NSMAF: variants seen among roughly 807,000 people sequenced by gnomAD.
NSMAF encodes protein FAN.
Under a neutral mutation model 134.9 loss-of-function variants are expected in NSMAF, and 90 were observed. The observed-to-expected ratio is 0.67, with a 90% CI of 0.56 to 0.79. The LOEUF is 0.79. NSMAF is among the 30% of genes least tolerant of loss of function. NSMAF has a pLI of 0.00. For missense variants in NSMAF, 1,010 were observed against 1,119.0 expected, an observed-to-expected ratio of 0.90 and a Z score of 1.39; for synonymous variants, 358 against 389.6, an observed-to-expected ratio of 0.92 and a Z score of 0.96.
At chr8:58,609,473 G>T in intron 10 of NSMAF, 131 bp downstream of exon 10, 1 of 805,706 alleles carries the variant, frequency 1.2e-6, no homozygotes, top group Non-Finnish European at 2.0e-6. Context: ...CACAGATGCT[G>T]CCTGTGAAGG....
At position 58,635,238 on chromosome 8, in the gene NSMAF, T is replaced by C. The variant is rs1423200608; in HGVS notation, c.297-13A>G. On this transcript the variant is annotated splice_polypyrimidine_tract_variant and intron_variant, in intron 4 of 30. Coordinates refer to ENST00000038176, the MANE Select transcript of NSMAF (RefSeq NM_003580.4). ...CCCAGATTTTGCCCTAAAATACAGATAAAAGTCATTAAATATATACAGCTT... is the reference window on the plus strand; with the variant it reads ...CCCAGATTTTGCCCTAAAATACAGACAAAAGTCATTAAATATATACAGCTT... 2 of 1,610,942 alleles carry C rather than the reference T, an allele frequency of 1.2e-6. No homozygotes were observed. The highest frequency in any genetic ancestry group is 3.3e-5 in the Admixed American group (2 of 59,918).
chr8:58,590,728 TCTAA>T, intron 24 of NSMAF, 135 bp downstream of exon 24: 1 of 882,966 alleles, frequency 1.1e-6, no homozygotes, highest in South Asian at 1.8e-5. Flanking sequence ...TTAGAAGTAA[TCTAA>T]CTAAGGTATC....
chr8:58,644,086 G>A lies in NSMAF; in HGVS notation c.60-1013C>T, dbSNP rs118128651. On this transcript the variant is annotated intron_variant, in intron 1 of 30. Transcript: ENST00000038176. ...TTGTTTTGTTTTGTGATAAGGACCAGGAAACATCAATGAGTTACAGGCAAA... is the reference window on the plus strand; with the variant it reads ...TTGTTTTGTTTTGTGATAAGGACCAAGAAACATCAATGAGTTACAGGCAAA... Among the ~76,000 whole-genome samples the A allele has an allele frequency of 8.3e-3, 1,259 of 152,274 alleles. 12 individuals are homozygous for A. The highest frequency in any genetic ancestry group is 0.012 in the Non-Finnish European group (797 of 68,026).
intron 13 of NSMAF, among the ~76,000 whole-genome samples, chr8:58,602,856 T>G (rs1173143434): frequency 6.6e-6 from 1 of 152,194 alleles, no homozygotes; most frequent in African/African-American, 2.4e-5. Flanking sequence ...CAGTTTTTAA[T>G]GTGATTTTTA....
At chr8:58,621,126 T>C (rs1196645479) in intron 9 of NSMAF, among the ~76,000 whole-genome samples, 6 of 152,100 alleles carry the variant, frequency 3.9e-5, no homozygotes, top group Admixed American at 2.0e-4. Context: ...GCAGGCTCAG[T>C]GTCTATTGTT....
chr8:58,635,366 A>C lies in NSMAF; in HGVS notation c.235T>G (p.Leu79Val). 1 of 1,603,454 alleles carries C rather than the reference A, an allele frequency of 6.2e-7. No individual in the cohort carries two copies. Among genetic ancestry groups the C allele is most frequent in the South Asian group, 1.1e-5 (1 of 88,444 alleles). The change falls in exon 4 of 31, where the codon TTG (leucine) becomes GTG (valine). Residue 79 changes from leucine (L) to valine (V), a missense_variant. Leu to Val is a conservative substitution (Grantham distance 32). Transcript: ENST00000038176. ...TTTCCTATTTTTATACAGTCTCTCA[A>C]AGGAATCTGGATAAAATTGAGAGAA... ...SISQPIIKIP[L>V]RDCIKIGKHG...
chr8:58,659,046 G>C, intron 1 of NSMAF: 2 of 655,770 alleles, frequency 3.0e-6, no homozygotes, highest in South Asian at 4.6e-5. Flanking sequence ...TAAAGGAGTC[G>C]GCAGGAAAAA....
Position 58,641,083 on chromosome 8 carries a change from G to A in NSMAF, c.149+1901C>T, listed in dbSNP as rs1312607068. On this transcript the variant is annotated intron_variant, in intron 2 of 30. Coordinates refer to ENST00000038176, the MANE Select transcript of NSMAF (RefSeq NM_003580.4). The stretch of plus-strand genomic sequence containing the variant: ...ATTACAAGGGTGCACCACCACGCCT[G>A]GCTAATTTTTGTATTTTAGCAGAGA... Among the ~76,000 whole-genome samples the A allele has an allele frequency of 2.6e-5, 4 of 151,628 alleles. No individual in the cohort carries two copies. The South Asian group carries it at 8.3e-4, about 32-fold the overall frequency.
intron 1 of NSMAF, among the ~76,000 whole-genome samples, chr8:58,658,201 CAAAG>C (rs1554578942): frequency 6.6e-6 from 1 of 152,148 alleles, no homozygotes; most frequent in Non-Finnish European, 1.5e-5. Context: ...TGGTACTAAA[CAAAG>C]AATCTCCACT....
In NSMAF at chr8:58,599,226, A is replaced by G; in HGVS notation, c.1585+6T>C. 1 of 1,558,380 alleles carries G rather than the reference A, an allele frequency of 6.4e-7. No homozygotes were observed. Among genetic ancestry groups the G allele is most frequent in the Non-Finnish European group, 8.8e-7 (1 of 1,130,804 alleles). On this transcript the variant is annotated splice_donor_region_variant and intron_variant, in intron 19 of 30. Coordinates refer to ENST00000038176, the MANE Select transcript of NSMAF (RefSeq NM_003580.4). ...GCTAAATAAAATTTCAATGAATATT[A>G]CATACCATTATGGGCCCCAACTGCA...
At chr8:58,649,528 G>A (rs6985643) in intron 1 of NSMAF, among the ~76,000 whole-genome samples, 70,418 of 151,918 alleles carry the variant, frequency 0.46, 16,773 homozygotes, top group East Asian at 0.56. Context: ...TGTCCCCTCC[G>A]AATCTCATGT....
intron 26 of NSMAF, 22 bp downstream of exon 26, chr8:58,589,430 A>G (rs1044310714): frequency 5.6e-6 from 8 of 1,432,722 alleles, no homozygotes; most frequent in Admixed American, 5.7e-5. Flanking sequence ...AGTTAAAAAA[A>G]CTTTTTAAAT....
intron 1 of NSMAF, chr8:58,659,053 A>C: frequency 8.6e-6 from 6 of 695,488 alleles, no homozygotes; most frequent in East Asian, 3.4e-5. Context: ...GTCGGCAGGA[A>C]AAAGGCGCGG....
chr8:58,633,952 G>T (rs190045445), intron 5 of NSMAF, among the ~76,000 whole-genome samples: 1 of 152,256 alleles, frequency 6.6e-6, no homozygotes, highest in East Asian at 1.9e-4. Context: ...TAAGCTCAAA[G>T]TTATTAAATT....
At chr8:58,637,531 C>A in intron 2 of NSMAF, 1 of 327,378 alleles carries the variant, frequency 3.1e-6, no homozygotes, top group Non-Finnish European at 6.2e-6. Context: ...GAACAGGCAT[C>A]CAAATTGGAA....
chr8:58,639,111 C>T (rs532340549), intron 2 of NSMAF, among the ~76,000 whole-genome samples: 2 of 151,896 alleles, frequency 1.3e-5, no homozygotes, highest in Non-Finnish European at 2.9e-5. Context: ...GGTGAAACCC[C>T]GTCTCTAATA....
intron 30 of NSMAF, 124 bp from the exon 31 acceptor site, chr8:58,584,324 TTTC>T: frequency 1.5e-6 from 1 of 687,506 alleles, no homozygotes; most frequent in South Asian, 1.8e-5. Context: ...AGTTCTATTT[TTTC>T]TTGTCTGCTT....
At chr8:58,591,491 T>C (rs1008824012) in intron 23 of NSMAF, among the ~76,000 whole-genome samples, 4 of 144,662 alleles carry the variant, frequency 2.8e-5, no homozygotes, top group Admixed American at 6.9e-5. Flanking sequence ...CTTTTTTTTT[T>C]TTTTTTTTTT....
At chr8:58,656,886 A>G (rs1481341088) in intron 1 of NSMAF, among the ~76,000 whole-genome samples, 16 of 152,348 alleles carry the variant, frequency 1.1e-4, no homozygotes, top group African/African-American at 2.9e-4. Flanking sequence ...TGCATATACT[A>G]TTGCATTTAC....
Sources: allele counts gnomAD v4.1 joint callset (sites outside exome capture counted in the v4.1 genomes callset), GRCh38; gene constraint gnomAD v4.1.1; transcripts MANE v1.5; gene names NCBI Gene and HGNC (gene_info 2026-07-23, HGNC 2026-07-21).